The following CLDN18 variants were observed in gnomAD, a reference collection of about 807,000 sequenced individuals.
The protein encoded by CLDN18 is claudin 18, also known as claudin-18.
CLDN18 carries 20 observed loss-of-function variants against 25.0 expected under a neutral mutation model. That is an observed-to-expected ratio of 0.80 (90% CI 0.56 to 1.16). The LOEUF is 1.16. Ranked by LOEUF, CLDN18 falls within the 50% of genes most tolerant of loss-of-function variation. The pLI is 0.00. For synonymous variants in CLDN18, 125 were observed against 135.6 expected (o/e 0.92, Z 0.54); for missense variants, 297 against 345.4 (o/e 0.86, Z 1.11).
At chr3:138,013,217 C>T (rs768940101) in intron 1 of CLDN18, among the ~76,000 whole-genome samples, 1 of 152,178 alleles carries the variant, frequency 6.6e-6, no homozygotes, top group Non-Finnish European at 1.5e-5. Context: ...GTTATTATGG[C>T]TCCATATATA....
At chr3:138,020,901 G>T (rs923177829) in intron 1 of CLDN18, among the ~76,000 whole-genome samples, 2 of 152,162 alleles carry the variant, frequency 1.3e-5, no homozygotes, top group Non-Finnish European at 2.9e-5. Flanking sequence ...TCCAGAATAA[G>T]GTGCCTCAAA....
chr3:138,017,045 G>A (rs1942214347), intron 1 of CLDN18, among the ~76,000 whole-genome samples: 1 of 138,238 alleles, frequency 7.2e-6, no homozygotes, highest in African/African-American at 2.5e-5. Flanking sequence ...GATAGAGTGA[G>A]ACTCTGTCTC....
rs567964261 is a variant in CLDN18 at position 138,001,453 on chromosome 3, A to C, written c.220+2365A>C. 2.0e-5 allele frequency among the ~76,000 whole-genome samples: 3 copies of C among 148,646 alleles called. No homozygotes were observed. In the South Asian group the frequency reaches 6.3e-4, roughly 31 times the overall value. On this transcript the variant is annotated intron_variant, in intron 1 of 4. Coordinates refer to the CLDN18 transcript ENST00000343735. Reference sequence around the variant, plus strand: ...TAGCCAGGATGGTCTCGATCTCCTGACCTCATGATCCGCCTGCCTTGGCCT... The same window carrying C: ...TAGCCAGGATGGTCTCGATCTCCTGCCCTCATGATCCGCCTGCCTTGGCCT...
Position 138,023,840 on chromosome 3 carries a change from A to G in CLDN18, c.385+18A>G. 1 of 1,596,746 alleles carries G rather than the reference A, an allele frequency of 6.3e-7. No homozygotes were observed. Among genetic ancestry groups the G allele is most frequent in the Non-Finnish European group, 8.6e-7 (1 of 1,167,210 alleles). ...TGTCTCAGGTAAACACAGAGCCTGG[A>G]GTTCCCACTTCTGCGAATGTCAAAG... On this transcript the variant is annotated intron_variant, in intron 2 of 4. Coordinates refer to ENST00000183605, the MANE Select transcript of CLDN18 (RefSeq NM_016369.4).
chr3:138,014,811 T>C (rs150959069), intron 1 of CLDN18, among the ~76,000 whole-genome samples: 7 of 152,176 alleles, frequency 4.6e-5, no homozygotes, highest in African/African-American at 1.4e-4. Context: ...AAAATACAAA[T>C]ATCTATTTGA....
chr3:138,002,756 C>G (rs916280213), intron 1 of CLDN18, among the ~76,000 whole-genome samples: 1 of 152,152 alleles, frequency 6.6e-6, no homozygotes, highest in Admixed American at 6.5e-5. Flanking sequence ...AACTGGTGGT[C>G]ACCTTCCTGG....
chr3:138,021,087 C>T (rs115558802), intron 1 of CLDN18, among the ~76,000 whole-genome samples: 2,118 of 152,066 alleles, frequency 0.014, 37 homozygotes, highest in African/African-American at 0.047. Context: ...GTTTTTTCCC[C>T]ATGGATTACA....
rs900636507 is a variant in CLDN18, at chr3:138,031,742, A to C, written c.*601A>C. On this transcript the variant is annotated 3_prime_UTR_variant, in exon 5 of 5. Coordinates refer to ENST00000183605, the MANE Select transcript of CLDN18 (RefSeq NM_016369.4). ...AGTCATTTTCAGTTTGAGGCAACCA[A>C]ACCTTTCTACTGCTGTTGACATCTT... 1 of 152,228 alleles carries C rather than the reference A, an allele frequency of 6.6e-6. No homozygotes were observed. Among genetic ancestry groups the C allele is most frequent in the African/African-American group, 2.4e-5 (1 of 41,440 alleles). The allele number at this position is 152,228 out of a possible 1,614,324, so 9.4% of individuals were successfully genotyped here. A position where few individuals can be genotyped will look rare whatever the true frequency, so the allele number is the denominator to read the frequency against.
At chr3:138,012,051 G>A (rs1325299973) in intron 1 of CLDN18, among the ~76,000 whole-genome samples, 2 of 152,164 alleles carry the variant, frequency 1.3e-5, no homozygotes, top group Non-Finnish European at 2.9e-5. Context: ...CTGGGATCAT[G>A]CCCTGTTGGT....
intron 1 of CLDN18, among the ~76,000 whole-genome samples, chr3:137,999,951 A>T (rs1364416289): frequency 6.6e-6 from 1 of 152,166 alleles, no homozygotes; most frequent in Non-Finnish European, 1.5e-5. Flanking sequence ...TTCTTTCATA[A>T]ATACATATTG....
At chr3:138,001,743 G>T (rs57902744) in intron 1 of CLDN18, among the ~76,000 whole-genome samples, 40,892 of 151,962 alleles carry the variant, frequency 0.27, 5,545 homozygotes, top group South Asian at 0.3. Flanking sequence ...GATTATAGAA[G>T]CCCTTTTAAA....
intron 1 of CLDN18, among the ~76,000 whole-genome samples, chr3:138,004,498 G>A (rs957430735): frequency 1.3e-5 from 2 of 151,906 alleles, no homozygotes; most frequent in Non-Finnish European, 2.9e-5. Flanking sequence ...ATGGGCTAAC[G>A]CTGCCAGATA....
At chr3:138,006,019 G>T (rs1559803345), upstream of CLDN18, among the ~76,000 whole-genome samples, 1 of 152,108 alleles carries the variant, frequency 6.6e-6, no homozygotes, top group Non-Finnish European at 1.5e-5. Context: ...TAAGTGAAAA[G>T]AGCAAAACAT....
At chr3:138,007,592 C>T (rs1274699298), upstream of CLDN18, among the ~76,000 whole-genome samples, 1 of 152,120 alleles carries the variant, frequency 6.6e-6, no homozygotes, top group Admixed American at 6.5e-5. Context: ...TCAATAGGTG[C>T]AGCAAACCAC....
intron 1 of CLDN18, among the ~76,000 whole-genome samples, chr3:138,013,236 C>G (rs947594367): frequency 2.6e-5 from 4 of 152,134 alleles, no homozygotes; most frequent in Non-Finnish European, 4.4e-5. Context: ...TAGAAAAGGA[C>G]CTGGTCCTCC....
chr3:138,002,878 G>T (rs1277034937), intron 1 of CLDN18, among the ~76,000 whole-genome samples: 2 of 152,248 alleles, frequency 1.3e-5, no homozygotes, highest in East Asian at 3.9e-4. Context: ...AAGGTCTTTG[G>T]TCCTTTCACA....
At chr3:138,013,408 CACA>C (rs1482308882) in intron 1 of CLDN18, among the ~76,000 whole-genome samples, 1 of 152,212 alleles carries the variant, frequency 6.6e-6, no homozygotes, top group African/African-American at 2.4e-5. Context: ...AATGGCTTGA[CACA>C]ACAAAAGTTT....
chr3:138,016,917 A>C (rs1194585113), intron 1 of CLDN18, among the ~76,000 whole-genome samples: 1 of 152,104 alleles, frequency 6.6e-6, no homozygotes, highest in Non-Finnish European at 1.5e-5. Context: ...TTAGTCAGGC[A>C]TGGTGGCATG....
intron 1 of CLDN18, among the ~76,000 whole-genome samples, chr3:138,015,683 C>G (rs1942194247): frequency 6.6e-6 from 1 of 152,204 alleles, no homozygotes; most frequent in South Asian, 2.1e-4. Flanking sequence ...CCACGGTGAT[C>G]ATGCCACTGC....
Sources: allele counts gnomAD v4.1 joint callset (sites outside exome capture counted in the v4.1 genomes callset), GRCh38; gene constraint gnomAD v4.1.1; transcripts MANE v1.5; gene names NCBI Gene and HGNC (gene_info 2026-07-23, HGNC 2026-07-21).